SMCHD1: variants seen among roughly 807,000 people sequenced by gnomAD.
The protein encoded by SMCHD1 is structural maintenance of chromosomes flexible hinge domain-containing protein 1.
Under a neutral mutation model 254.7 loss-of-function variants are expected in SMCHD1, and 78 were observed. The ratio of observed to expected loss-of-function variants is 0.31; its 90% CI spans 0.26 to 0.37. The LOEUF (loss-of-function observed/expected upper bound fraction) is 0.37. SMCHD1 is among the 10% of genes least tolerant of loss of function. The pLI is 1.00. For missense variants in SMCHD1, 1,840 were observed against 2,408.1 expected (o/e 0.76, Z 4.94); for synonymous variants, 766 against 794.9 (o/e 0.96, Z 0.61).
At chr18:2,698,551 A>G (rs1166004700) in intron 10 of SMCHD1, among the ~76,000 whole-genome samples, 2 of 151,824 alleles carry the variant, frequency 1.3e-5, no homozygotes, top group East Asian at 3.9e-4. Context: ...TAAATTTTTG[A>G]GTGATGGGGT....
chr18:2,737,130 C>G (rs151048909), intron 25 of SMCHD1, among the ~76,000 whole-genome samples: 1 of 152,030 alleles, frequency 6.6e-6, no homozygotes, highest in African/African-American at 2.4e-5. Flanking sequence ...GAACAGGAAC[C>G]CAAATACTGA....
Position 2,718,140 on chromosome 18 carries a change from C to CT in SMCHD1, c.2261-12dup, listed in dbSNP as rs1568224236. 1 of 1,578,030 alleles carries CT rather than the reference C, an allele frequency of 6.3e-7. No homozygotes were observed. Among genetic ancestry groups the CT allele is most frequent in the Admixed American group, 1.8e-5 (1 of 56,556 alleles). On this transcript the variant is annotated splice_polypyrimidine_tract_variant and intron_variant, in intron 17 of 47. Coordinates refer to ENST00000320876, the MANE Select transcript of SMCHD1 (RefSeq NM_015295.3). The surrounding 1 kb of genome is among the most constrained non-coding windows in gnomAD (Gnocchi z 4.6). Reference sequence around the variant, plus strand: ...TGAATTTCTCAAGACACTATTGTTTCTTTTTTCTTTTATTAAGCTTCAAGT... The same window carrying CT: ...TGAATTTCTCAAGACACTATTGTTTCTTTTTTTCTTTTATTAAGCTTCAAGT...
chr18:2,761,303 T>C (rs550981505), intron 35 of SMCHD1, among the ~76,000 whole-genome samples: 2 of 152,226 alleles, frequency 1.3e-5, no homozygotes, highest in Admixed American at 1.3e-4. Flanking sequence ...AAAAACTACC[T>C]ATTAGGTACT....
chr18:2,740,760 T>C lies in SMCHD1; in HGVS notation c.3572T>C (p.Leu1191Ser). Reference protein sequence around the residue: ...NQIQAFSPSSLSSLSIAGVGL... With the variant: ...NQIQAFSPSSSSSLSIAGVGL... ...ATTCAAGCATTTTCACCAAGTTCTT[T>C]ATCTTCTTTGTCAATTGCTGGGGTT... The change falls in exon 28 of 48, where the codon TTA (leucine) becomes TCA (serine). Residue 1191 changes from leucine (L) to serine (S), a missense_variant. Leu to Ser is a moderately radical substitution (Grantham distance 145). This residue lies in a region of SMCHD1 where 881 missense variants were observed against 1,009.5 expected (regional missense o/e 0.87). Transcript: ENST00000320876. 1 of 1,612,166 alleles carries C rather than the reference T, an allele frequency of 6.2e-7. No individual in the cohort carries two copies. Among genetic ancestry groups the C allele is most frequent in the African/African-American group, 1.3e-5 (1 of 75,014 alleles).
intron 5 of SMCHD1, among the ~76,000 whole-genome samples, chr18:2,681,470 A>G (rs888011435): frequency 1.1e-4 from 16 of 149,568 alleles, no homozygotes; most frequent in Admixed American, 1.0e-3. Context: ...CTTTAGCCCC[A>G]GCTTCTCAGG....
At chr18:2,681,524 G>A (rs114316077) in intron 5 of SMCHD1, among the ~76,000 whole-genome samples, 4,756 of 146,214 alleles carry the variant, frequency 0.033, 255 homozygotes, top group African/African-American at 0.11. Context: ...GGTCGAGGCC[G>A]CAGTAATCCA....
At position 2,802,414 on chromosome 18, in the gene SMCHD1, A is replaced by G. The variant is rs1341337580; in HGVS notation, c.5994-114A>G. On this transcript the variant is annotated intron_variant, in intron 47 of 47. Transcript: ENST00000320876. The stretch of plus-strand genomic sequence containing the variant: ...ATTAAATCTGTTTATACCAAGAATT[A>G]TATTTAAAAGAATATGGTTTCATTG... 4.4e-5 allele frequency: 33 copies of G among 746,356 alleles called. No homozygotes were observed. The Middle Eastern group carries it at 1.5e-3, about 33-fold the overall frequency. The allele number at this position is 746,356 out of a possible 1,614,324, so 46.2% of individuals were successfully genotyped here.
At chr18:2,689,880 C>T (rs941545484) in intron 7 of SMCHD1, among the ~76,000 whole-genome samples, 14 of 141,040 alleles carry the variant, frequency 9.9e-5, no homozygotes, top group Non-Finnish European at 1.5e-4. Context: ...AAAAAAAAGC[C>T]GGGTGTGGTG....
chr18:2,721,011 G>A (rs2074914631), intron 19 of SMCHD1, among the ~76,000 whole-genome samples: 1 of 152,106 alleles, frequency 6.6e-6, no homozygotes. Flanking sequence ...GGATGAGGAG[G>A]GTCGTTGACT....
chr18:2,655,931 C>A lies in SMCHD1; in HGVS notation c.-145C>A. The stretch of plus-strand genomic sequence containing the variant: ...CCTCGCGCCTGCCGCTGCTCGGCCG[C>A]CGCCGCTGACGAGGAGCTGCAGCGC... On this transcript the variant is annotated 5_prime_UTR_variant, in exon 1 of 48. Transcript: ENST00000320876. 1 of 541,328 alleles carries A rather than the reference C, an allele frequency of 1.8e-6. No homozygotes were observed. Among genetic ancestry groups the A allele is most frequent in the Non-Finnish European group, 2.8e-6 (1 of 361,580 alleles). The allele number at this position is 541,328 out of a possible 1,614,324, so 33.5% of individuals were successfully genotyped here. A position where few individuals can be genotyped will look rare whatever the true frequency, so the allele number is the denominator to read the frequency against.
chr18:2,658,111 C>T (rs1205374524), intron 1 of SMCHD1, among the ~76,000 whole-genome samples: 3 of 152,142 alleles, frequency 2.0e-5, no homozygotes, highest in African/African-American at 4.8e-5. Flanking sequence ...AATACATAGC[C>T]GTTTATGTCT....
chr18:2,752,836 A>G (rs924142837), intron 34 of SMCHD1: 7 of 267,108 alleles, frequency 2.6e-5, no homozygotes, highest in African/African-American at 6.9e-5. Flanking sequence ...TTCTTATTAT[A>G]TAGGAGGTTT....
chr18:2,796,584 T>G, intron 47 of SMCHD1, 63 bp downstream of exon 47: 1 of 1,101,750 alleles, frequency 9.1e-7, no homozygotes, highest in Non-Finnish European at 1.3e-6. Context: ...GGTCTCATGA[T>G]AGCTTTGTTT....
rs145530225 is a variant in SMCHD1, at chr18:2,697,738, A to C, written c.1132-93A>C. 807 of 810,548 alleles carry C rather than the reference A, an allele frequency of 1.0e-3. 5 individuals carry two copies. The East Asian group carries it at 0.014, about 14-fold the overall frequency. 50.2% of individuals were successfully genotyped at this position (810,548 alleles called of 1,614,324 possible). On this transcript the variant is annotated intron_variant, in intron 9 of 47. Transcript: ENST00000320876. Reference sequence around the variant, plus strand: ...CAGATTGTTACTTGTACAAATAAACATAATTTTTACTTATTCTGTTGTTGA... The same window carrying C: ...CAGATTGTTACTTGTACAAATAAACCTAATTTTTACTTATTCTGTTGTTGA...
rs373566118 is a variant in SMCHD1, at chr18:2,732,388, G to T, written c.3172G>T (p.Val1058Phe). 6.2e-7 allele frequency: 1 copy of T among 1,613,524 alleles called. No individual in the cohort carries two copies. The highest frequency in any genetic ancestry group is 8.5e-7 in the Non-Finnish European group (1 of 1,179,710). The change falls in exon 25 of 48, where the codon GTT becomes TTT. Residue 1058 changes from valine (V) to phenylalanine (F), a missense_variant. This residue lies in a region of SMCHD1 where 881 missense variants were observed against 1,009.5 expected (regional missense o/e 0.87). Transcript: ENST00000320876. ...KAIQIKHQDE[V>F]NWIAGDIMHN... ...AATTCAGATCAAACATCAGGATGAGGTTAATTGGATAGCGGGTGATATTAT... is the reference window on the plus strand; with the variant it reads ...AATTCAGATCAAACATCAGGATGAGTTTAATTGGATAGCGGGTGATATTAT...
intron 44 of SMCHD1, among the ~76,000 whole-genome samples, chr18:2,781,013 G>A (rs900306624): frequency 3.9e-5 from 6 of 152,194 alleles, no homozygotes; most frequent in Non-Finnish European, 7.3e-5. Flanking sequence ...GAACACTAAT[G>A]CCAGATTTTT....
chr18:2,702,889 C>G (rs2074435008), intron 12 of SMCHD1, among the ~76,000 whole-genome samples: 1 of 152,108 alleles, frequency 6.6e-6, no homozygotes, highest in Non-Finnish European at 1.5e-5. Flanking sequence ...ACAGACTGTC[C>G]TCTGCGAAAG....
At chr18:2,792,153 A>T (rs553532266) in intron 45 of SMCHD1, among the ~76,000 whole-genome samples, 1 of 152,354 alleles carries the variant, frequency 6.6e-6, no homozygotes, top group South Asian at 2.1e-4. Flanking sequence ...TTTGCTTTTA[A>T]AAAAACAGCA....
chr18:2,782,744 C>CAAA (rs779083565), intron 44 of SMCHD1, among the ~76,000 whole-genome samples: 897 of 44,956 alleles, frequency 0.02, 39 homozygotes, highest in East Asian at 0.049. Context: ...GACCACAACT[C>CAAA]AAAAAAAAAA....
Sources: allele counts gnomAD v4.1 joint callset (sites outside exome capture counted in the v4.1 genomes callset), GRCh38; gene constraint gnomAD v4.1.1; regional missense constraint gnomAD v4.1.1; non-coding constraint Gnocchi (gnomAD v3.1); transcripts MANE v1.5; gene names NCBI Gene and HGNC (gene_info 2026-07-23, HGNC 2026-07-21).